Variants in TXLNB observed in about 807,000 individuals in gnomAD.
TXLNB encodes taxilin beta.
A neutral mutation model predicts 57.4 loss-of-function variants in TXLNB; 37 were observed. The ratio of observed to expected loss-of-function variants is 0.64; its 90% CI spans 0.50 to 0.85. TXLNB has a LOEUF of 0.85. TXLNB is among the 40% of genes least tolerant of loss of function. The pLI is 0.00. For missense variants in TXLNB, 848 were observed against 825.6 expected, an observed-to-expected ratio of 1.03 and a Z score of -0.33; for synonymous variants, 302 against 309.6, an observed-to-expected ratio of 0.98 and a Z score of 0.26.
At chr6:139,246,504 T>C (rs1451185283) in intron 8 of TXLNB, among the ~76,000 whole-genome samples, 2 of 152,230 alleles carry the variant, frequency 1.3e-5, no homozygotes, top group Non-Finnish European at 2.9e-5. Flanking sequence ...TAAATTATAA[T>C]ACTGGCACCT....
chr6:139,276,996 A>G, intron 2 of TXLNB, 75 bp from the exon 3 acceptor site: 1 of 1,086,582 alleles, frequency 9.2e-7, no homozygotes, highest in Non-Finnish European at 1.3e-6. Flanking sequence ...TCTCAGATTG[A>G]CCACTTGCTA....
the TXLNB span, among the ~76,000 whole-genome samples, chr6:139,228,298 C>A: frequency 1.3e-5 from 2 of 152,056 alleles, no homozygotes; most frequent in African/African-American, 2.4e-5. Flanking sequence ...GGTGGATCAC[C>A]TGAGTTCAGG....
At chr6:139,220,184 G>A in the TXLNB span, among the ~76,000 whole-genome samples, 1 of 152,192 alleles carries the variant, frequency 6.6e-6, no homozygotes, top group Non-Finnish European at 1.5e-5. Flanking sequence ...GTCACCATGA[G>A]AAGATGGCTG....
chr6:139,270,482 G>A lies in TXLNB; in HGVS notation c.661C>T (p.Leu221=), dbSNP rs147038302. 6.2e-7 allele frequency: 1 copy of A among 1,613,984 alleles called. No individual in the cohort carries two copies. The highest frequency in any genetic ancestry group is 1.3e-5 in the African/African-American group (1 of 74,916). The part of the protein sequence containing the change: ...RSKLESLCRE[L]QRHNKTLKEE... ...TTCAGAGTCTTGTTGTGTCTCTGCAGCTCCCGGCACAGACTCTCCAATTTG... is the reference window on the plus strand; with the variant it reads ...TTCAGAGTCTTGTTGTGTCTCTGCAACTCCCGGCACAGACTCTCCAATTTG... The change falls in exon 4 of 10, where the codon CTG becomes TTG. Residue 221 remains leucine (L), a synonymous_variant. Coordinates refer to ENST00000358430, the MANE Select transcript of TXLNB (RefSeq NM_153235.4).
At chr6:139,215,914 C>T in the TXLNB span, among the ~76,000 whole-genome samples, 5 of 152,042 alleles carry the variant, frequency 3.3e-5, no homozygotes, top group South Asian at 8.3e-4. Context: ...CAAATCAAAA[C>T]CACAATGAGA....
intron 2 of TXLNB, among the ~76,000 whole-genome samples, chr6:139,280,622 GA>G (rs1777023562): frequency 6.6e-6 from 1 of 152,204 alleles, no homozygotes; most frequent in Non-Finnish European, 1.5e-5. Flanking sequence ...CAGCCTGGGG[GA>G]CAGAGCGAGA....
chr6:139,196,467 C>G, the TXLNB span, among the ~76,000 whole-genome samples: 2 of 143,960 alleles, frequency 1.4e-5, no homozygotes, highest in Non-Finnish European at 3.0e-5. Context: ...CTCTGCGTCC[C>G]AGGTTCAAGC....
the TXLNB span, among the ~76,000 whole-genome samples, chr6:139,319,314 G>C: frequency 7.0e-6 from 1 of 143,342 alleles, no homozygotes; most frequent in Non-Finnish European, 1.5e-5. Context: ...TGCTCAGGCT[G>C]GTCTCAAAGT....
chr6:139,227,370 G>A, the TXLNB span, among the ~76,000 whole-genome samples: 33 of 151,468 alleles, frequency 2.2e-4, no homozygotes, highest in Admixed American at 6.6e-4. Context: ...AAAAAAAAAC[G>A]ACAGTGAGAT....
chr6:139,233,598 TCAC>T, the TXLNB span, among the ~76,000 whole-genome samples: 1 of 152,028 alleles, frequency 6.6e-6, no homozygotes, highest in Non-Finnish European at 1.5e-5. Flanking sequence ...TTGCACTCAC[TCAC>T]TCTGTCCTGC....
At chr6:139,278,781 G>A (rs6570323) in intron 2 of TXLNB, among the ~76,000 whole-genome samples, 3,023 of 152,260 alleles carry the variant, frequency 0.02, 84 homozygotes, top group African/African-American at 0.065. Context: ...TAAGGCGGGC[G>A]GATCACGAGG....
intron 2 of TXLNB, among the ~76,000 whole-genome samples, chr6:139,284,134 GTCT>G (rs1177338424): frequency 1.4e-5 from 2 of 145,534 alleles, no homozygotes; most frequent in Non-Finnish European, 3.1e-5. Context: ...TAGCTTATGT[GTCT>G]TCTTCTTCCT....
At chr6:139,175,139 A>T in the TXLNB span, among the ~76,000 whole-genome samples, 1 of 152,236 alleles carries the variant, frequency 6.6e-6, no homozygotes, top group African/African-American at 2.4e-5. Context: ...TTTAGCTGTC[A>T]TCAGAAAAAG....
At position 139,243,005 on chromosome 6, in the gene TXLNB, C is replaced by T. The variant is rs1380289965; in HGVS notation, c.1576G>A (p.Glu526Lys). Reference protein sequence around the residue: ...TPHQSKETQPEIGSSQESADA... With the variant: ...TPHQSKETQPKIGSSQESADA... ...GCACTCTCCTGAGAACTGCCTATTTCGGGTTGGGTTTCTTTGGACTGGTGC... is the reference window on the plus strand; with the variant it reads ...GCACTCTCCTGAGAACTGCCTATTTTGGGTTGGGTTTCTTTGGACTGGTGC... The change falls in exon 10 of 10, where the codon GAA becomes AAA. Residue 526 changes from glutamate (E) to lysine (K), a missense_variant. Glu to Lys is a moderately conservative substitution (Grantham distance 56). Coordinates refer to ENST00000358430, the MANE Select transcript of TXLNB (RefSeq NM_153235.4). The T allele has an allele frequency of 1.9e-6, 3 of 1,613,956 alleles. No individual in the cohort carries two copies. The highest frequency in any genetic ancestry group is 1.3e-5 in the African/African-American group (1 of 74,884).
the TXLNB span, among the ~76,000 whole-genome samples, chr6:139,191,725 T>G: frequency 6.6e-6 from 1 of 152,196 alleles, no homozygotes; most frequent in Non-Finnish European, 1.5e-5. Flanking sequence ...CTTATTCATT[T>G]TTGGTTATCC....
the TXLNB span, among the ~76,000 whole-genome samples, chr6:139,233,204 C>G: frequency 6.6e-6 from 1 of 151,642 alleles, no homozygotes; most frequent in Admixed American, 6.6e-5. Context: ...AAAACACATT[C>G]AAATAATTTA....
chr6:139,164,241 G>A, the TXLNB span, among the ~76,000 whole-genome samples: 1 of 152,150 alleles, frequency 6.6e-6, no homozygotes, highest in African/African-American at 2.4e-5. Context: ...CTCTGAGCCT[G>A]GGAGTCTGCC....
chr6:139,249,804 A>AT (rs1364568685), intron 7 of TXLNB, among the ~76,000 whole-genome samples: 17 of 152,188 alleles, frequency 1.1e-4, no homozygotes, highest in Non-Finnish European at 2.4e-4. Flanking sequence ...GCTGATTATC[A>AT]TTTTGAATTC....
chr6:139,319,146 G>T, the TXLNB span, among the ~76,000 whole-genome samples: 29 of 151,830 alleles, frequency 1.9e-4, no homozygotes, highest in Non-Finnish European at 1.5e-5. Context: ...GTTTTACCAT[G>T]TTGGCCAGGC....
Sources: gnomAD v4.1 joint callset for allele counts (sites outside exome capture counted in the v4.1 genomes callset) on GRCh38, gnomAD v4.1.1 for gene constraint, MANE v1.5 for transcripts, NCBI Gene and HGNC (gene_info 2026-07-23, HGNC 2026-07-21) for gene names.